The following CHCHD6 variants were observed in gnomAD, a reference collection of about 807,000 sequenced individuals.
CHCHD6 encodes MICOS complex subunit MIC25.
In CHCHD6, 28 loss-of-function variants were observed where a neutral mutation model predicts 32.3. The ratio of observed to expected loss-of-function variants is 0.87; its 90% confidence interval spans 0.64 to 1.19. The LOEUF is 1.19. CHCHD6 is among the 50% of genes most tolerant of loss of function. The pLI, the probability that CHCHD6 is intolerant of heterozygous loss-of-function variation, is 0.00. For missense variants in CHCHD6, 333 were observed against 307.0 expected, an observed-to-expected ratio of 1.08 and a Z score of -0.63; for synonymous variants, 122 against 117.5, an observed-to-expected ratio of 1.04 and a Z score of -0.25.
chr3:126,795,402 TTC>T (rs1429973691), intron 4 of CHCHD6, among the ~76,000 whole-genome samples: 1 of 152,228 alleles, frequency 6.6e-6, no homozygotes, highest in African/African-American at 2.4e-5. Flanking sequence ...TGAATTTTAG[TTC>T]TTTTTCCTTT....
chr3:126,746,723 T>C (rs764455848), intron 4 of CHCHD6, among the ~76,000 whole-genome samples: 1 of 152,216 alleles, frequency 6.6e-6, no homozygotes, highest in Non-Finnish European at 1.5e-5. Context: ...TTCGATAGCC[T>C]ATTGTGTGCT....
At chr3:126,960,162 G>A (rs1395046690) in intron 7 of CHCHD6, 34 bp from the exon 8 acceptor site, 4 of 1,551,334 alleles carry the variant, frequency 2.6e-6, no homozygotes, top group Non-Finnish European at 3.5e-6. Flanking sequence ...GGCGGAGTGG[G>A]CCCTGACTCA....
intron 4 of CHCHD6, among the ~76,000 whole-genome samples, chr3:126,742,297 C>T (rs1936320024): frequency 6.6e-6 from 1 of 152,182 alleles, no homozygotes; most frequent in Non-Finnish European, 1.5e-5. Context: ...AAGAAACCTT[C>T]TCAAGGGCTT....
chr3:126,959,822 G>A lies in CHCHD6; in HGVS notation c.703-374G>A, dbSNP rs555762609. Among the ~76,000 whole-genome samples, 116 of 152,354 alleles carry A rather than the reference G, an allele frequency of 7.6e-4. No individual in the cohort carries two copies. The Middle Eastern group carries it at 0.02, about 27-fold the overall frequency. On this transcript the variant is annotated intron_variant, in intron 7 of 7. Transcript: ENST00000290913. ...GTGAAAAATCAGAGAACAGAGGGGA[G>A]GCCTTGATGAGGCAGAGCAGAGTTG... is the stretch of plus-strand genomic sequence containing the variant.
chr3:126,878,992 TGTGG>T (rs2077574178), intron 5 of CHCHD6, among the ~76,000 whole-genome samples: 1 of 152,218 alleles, frequency 6.6e-6, no homozygotes, highest in South Asian at 2.1e-4. Flanking sequence ...CATTCACGCT[TGTGG>T]CAGTGGATGC....
intron 4 of CHCHD6, among the ~76,000 whole-genome samples, chr3:126,815,678 T>G (rs980878666): frequency 9.3e-5 from 12 of 128,810 alleles, no homozygotes; most frequent in Non-Finnish European, 1.8e-4. Context: ...CAGCCCTTGC[T>G]CCCTTGAGCT....
At chr3:126,908,186 G>A (rs1264897693) in intron 5 of CHCHD6, among the ~76,000 whole-genome samples, 1 of 151,814 alleles carries the variant, frequency 6.6e-6, no homozygotes, top group Non-Finnish European at 1.5e-5. Flanking sequence ...TGGGAGCAGA[G>A]CACAGTCAGT....
intron 4 of CHCHD6, among the ~76,000 whole-genome samples, chr3:126,804,159 A>G (rs1483371020): frequency 1.3e-5 from 2 of 152,132 alleles, no homozygotes; most frequent in Non-Finnish European, 2.9e-5. Context: ...AAGAACTAGA[A>G]AAGCAAGAGC....
intron 5 of CHCHD6, among the ~76,000 whole-genome samples, chr3:126,900,726 T>C (rs1559911715): frequency 6.7e-6 from 1 of 150,142 alleles, no homozygotes; most frequent in Non-Finnish European, 1.5e-5. Flanking sequence ...TGCCTCAGCC[T>C]CCCAAGTAGC....
chr3:126,740,931 G>A (rs573267994), intron 4 of CHCHD6, among the ~76,000 whole-genome samples: 1 of 152,350 alleles, frequency 6.6e-6, no homozygotes, highest in East Asian at 1.9e-4. Flanking sequence ...GGTGGAGGAA[G>A]GCTGTAGAAA....
At chr3:126,955,399 C>T (rs1576649159) in intron 6 of CHCHD6, among the ~76,000 whole-genome samples, 2 of 152,356 alleles carry the variant, frequency 1.3e-5, no homozygotes, top group South Asian at 4.1e-4. Context: ...ACCCAGTCCT[C>T]TTCAGGAAAT....
chr3:126,914,307 C>T (rs1272809696), intron 5 of CHCHD6, among the ~76,000 whole-genome samples: 1 of 152,236 alleles, frequency 6.6e-6, no homozygotes, highest in Admixed American at 6.5e-5. Flanking sequence ...TAGTCTCTAT[C>T]ATAGCTCCTC....
chr3:126,899,851 T>TCCATCTAGTGGCTA lies in CHCHD6; in HGVS notation c.496-14829_496-14828insCCATCTAGTGGCTA, dbSNP rs1353479926. 9.2e-5 allele frequency among the ~76,000 whole-genome samples: 14 copies of TCCATCTAGTGGCTA among 152,292 alleles called. No homozygotes were observed. The East Asian group carries it at 2.3e-3, about 25-fold the overall frequency. ...GCCAGGAGATGGAAATCACCAAATT[T>TCCATCTAGTGGCTA]GTGGTGACCTCATCTAGCCACTTGA... On this transcript the variant is annotated intron_variant, in intron 5 of 7. Coordinates refer to ENST00000290913, the MANE Select transcript of CHCHD6 (RefSeq NM_032343.3).
In CHCHD6 at chr3:126,957,497, GCTGTGCTCGGAC is replaced by G; in HGVS notation, c.652_663del (p.Cys218_Leu221del). Reference sequence around the variant, plus strand: ...ACCGAGATCGCCCGCATGAGGTGCTGCTGTGCTCGGACCTGGTCAAGGCATACCAGCGCTGCG... The same window carrying G: ...ACCGAGATCGCCCGCATGAGGTGCTGCTGGTCAAGGCATACCAGCGCTGCG... On this transcript the variant is annotated inframe_deletion, in exon 7 of 8. Transcript: ENST00000290913. 1 of 1,598,682 alleles carries G rather than the reference GCTGTGCTCGGAC, an allele frequency of 6.3e-7. No individual in the cohort carries two copies. The highest frequency in any genetic ancestry group is 8.5e-7 in the Non-Finnish European group (1 of 1,172,848).
At chr3:126,945,415 G>C (rs950975393) in intron 6 of CHCHD6, among the ~76,000 whole-genome samples, 2 of 151,820 alleles carry the variant, frequency 1.3e-5, no homozygotes, top group Non-Finnish European at 2.9e-5. Context: ...GAGCAGACTC[G>C]AGCAGGGAGA....
Position 126,859,416 on chromosome 3 carries a change from A to G in CHCHD6, c.495+6686A>G, listed in dbSNP as rs187690663. On this transcript the variant is annotated intron_variant, in intron 5 of 7. Transcript: ENST00000290913. The stretch of plus-strand genomic sequence containing the variant: ...GAATAATGGTGCCATTAAGAGAAAG[A>G]GAAAATTTAGGTGAGCCACTACACT... Among the ~76,000 whole-genome samples the G allele has an allele frequency of 8.7e-4, 132 of 152,244 alleles. 1 individual carries two copies. Among genetic ancestry groups the G allele is most frequent in the African/African-American group, 3.2e-3 (132 of 41,530 alleles).
chr3:126,841,039 C>A (rs1197716662), intron 4 of CHCHD6, among the ~76,000 whole-genome samples: 1 of 151,634 alleles, frequency 6.6e-6, no homozygotes, highest in African/African-American at 2.4e-5. Flanking sequence ...TGCTATCCCT[C>A]CCCACTCCCC....
At chr3:126,803,479 T>G (rs1052201248) in intron 4 of CHCHD6, among the ~76,000 whole-genome samples, 2 of 152,146 alleles carry the variant, frequency 1.3e-5, no homozygotes, top group Non-Finnish European at 2.9e-5. Flanking sequence ...GGCCATTACA[T>G]AGTGGTAAAG....
Position 126,865,436 on chromosome 3 carries a change from C to T in CHCHD6, c.495+12706C>T, listed in dbSNP as rs1412352748. 5 of 353,156 alleles carry T rather than the reference C, an allele frequency of 1.4e-5. No individual in the cohort carries two copies. The Admixed American group carries it at 3.2e-4, about 23-fold the overall frequency. The allele number at this position is 353,156 out of a possible 1,614,324, so 21.9% of individuals were successfully genotyped here. A position where few individuals can be genotyped will look rare whatever the true frequency, so the allele number is the denominator to read the frequency against. On this transcript the variant is annotated intron_variant, in intron 5 of 7. Coordinates refer to ENST00000290913, the MANE Select transcript of CHCHD6 (RefSeq NM_032343.3). ...CACAACCACCACTGCCACCTCTACC[C>T]TCCACCACCAGCTTCATTTCCAGTG...
Sources: allele counts gnomAD v4.1 joint callset (sites outside exome capture counted in the v4.1 genomes callset), GRCh38; gene constraint gnomAD v4.1.1; transcripts MANE v1.5; gene names NCBI Gene and HGNC (gene_info 2026-07-23, HGNC 2026-07-21).